The following CCDC171 variants were observed in gnomAD, a reference collection of about 807,000 sequenced individuals.
CCDC171 encodes the protein coiled-coil domain containing 171.
In CCDC171, 177 loss-of-function variants were observed where a neutral mutation model predicts 168.2. The ratio of observed to expected loss-of-function variants is 1.05; its 90% CI spans 0.93 to 1.19. The LOEUF (loss-of-function observed/expected upper bound fraction) is 1.19, where lower values mean the gene tolerates loss of function less well. CCDC171 is among the 50% of genes most tolerant of loss of function. The pLI is 0.00. For missense variants in CCDC171, 1,991 were observed against 1,539.0 expected (o/e 1.29, Z -4.91); for synonymous variants, 687 against 540.8 (o/e 1.27, Z -3.75).
Position 15,692,087 on chromosome 9 carries a change from A to G in CCDC171, c.1216-3148A>G, listed in dbSNP as rs1587988671. Among the ~76,000 whole-genome samples the G allele has an allele frequency of 2.6e-5, 4 of 152,144 alleles. No homozygotes were observed. The East Asian group carries it at 7.7e-4, about 29-fold the overall frequency. ...CATGTATATCTGCTATGGAAAAGTGATTTTTTGGTCAGGTGTGGTGGCTCA... is the reference window on the plus strand; with the variant it reads ...CATGTATATCTGCTATGGAAAAGTGGTTTTTTGGTCAGGTGTGGTGGCTCA... On this transcript the variant is annotated intron_variant, in intron 10 of 25. Coordinates refer to ENST00000380701, the MANE Select transcript of CCDC171 (RefSeq NM_173550.4).
intron 14 of CCDC171, 141 bp from the exon 15 acceptor site, chr9:15,727,728 A>T: frequency 1.8e-6 from 1 of 561,704 alleles, no homozygotes; most frequent in East Asian, 3.3e-5. Flanking sequence ...TTATAAAAAA[A>T]GTCATTAAAA....
upstream of CCDC171, among the ~76,000 whole-genome samples, chr9:16,038,859 A>G (rs1222392653): frequency 7.4e-6 from 1 of 135,520 alleles, no homozygotes; most frequent in Non-Finnish European, 1.6e-5. Context: ...AAAAAGACCT[A>G]TCAGGCCAAA....
At chr9:15,805,141 T>A (rs181187444) in intron 21 of CCDC171, among the ~76,000 whole-genome samples, 1 of 152,206 alleles carries the variant, frequency 6.6e-6, no homozygotes, top group Non-Finnish European at 1.5e-5. Context: ...ATCTTCTCTC[T>A]TCTTTATTAG....
chr9:15,836,123 A>T (rs893007381), intron 21 of CCDC171, among the ~76,000 whole-genome samples: 1 of 152,206 alleles, frequency 6.6e-6, no homozygotes, highest in East Asian at 1.9e-4. Flanking sequence ...TGATGACTTC[A>T]TAGTTATATA....
intron 25 of CCDC171, among the ~76,000 whole-genome samples, chr9:15,956,063 A>T (rs1028221187): frequency 2.0e-5 from 3 of 152,192 alleles, no homozygotes; most frequent in Non-Finnish European, 4.4e-5. Flanking sequence ...TTCATTCAAG[A>T]TCTCTCCCTT....
At chr9:15,950,460 G>A (rs1209345291) in intron 25 of CCDC171, among the ~76,000 whole-genome samples, 2 of 152,062 alleles carry the variant, frequency 1.3e-5, no homozygotes, top group African/African-American at 2.4e-5. Flanking sequence ...GAGAGTGGGT[G>A]CCAATATTCA....
At chr9:16,068,901 T>TG in the CCDC171 span, among the ~76,000 whole-genome samples, 1 of 152,194 alleles carries the variant, frequency 6.6e-6, no homozygotes, top group Admixed American at 6.5e-5. Flanking sequence ...GCCTGCCTCC[T>TG]GGCTCAGCAT....
chr9:15,959,959 C>G (rs1382994951), intron 25 of CCDC171, among the ~76,000 whole-genome samples: 2 of 152,120 alleles, frequency 1.3e-5, no homozygotes, highest in African/African-American at 2.4e-5. Context: ...AGAGCTATCA[C>G]CCATATGACC....
chr9:15,962,768 A>C (rs958941719), intron 25 of CCDC171, among the ~76,000 whole-genome samples: 1 of 151,892 alleles, frequency 6.6e-6, no homozygotes, highest in African/African-American at 2.4e-5. Context: ...CCCAAACTCT[A>C]ATTCAGTTCT....
intron 25 of CCDC171, among the ~76,000 whole-genome samples, chr9:15,921,123 TA>T (rs1825268357): frequency 6.6e-6 from 1 of 151,822 alleles, no homozygotes; most frequent in Non-Finnish European, 1.5e-5. Context: ...AATGTCTTTT[TA>T]ATTTTTTTTG....
At chr9:15,780,345 A>G (rs2057600518) in intron 20 of CCDC171, among the ~76,000 whole-genome samples, 1 of 152,044 alleles carries the variant, frequency 6.6e-6, no homozygotes. Flanking sequence ...TAATTATGAA[A>G]GTTATACATG....
At chr9:15,820,437 C>T (rs2059723121) in intron 21 of CCDC171, among the ~76,000 whole-genome samples, 1 of 114,782 alleles carries the variant, frequency 8.7e-6, no homozygotes, top group Non-Finnish European at 1.9e-5. Context: ...AATTGATAGA[C>T]CACTAGCAAG....
chr9:15,940,441 A>G (rs1827584277), intron 25 of CCDC171, among the ~76,000 whole-genome samples: 1 of 151,908 alleles, frequency 6.6e-6, no homozygotes, highest in Non-Finnish European at 1.5e-5. Flanking sequence ...CCACATAAGG[A>G]AGGATATACA....
chr9:15,864,691 A>G (rs368571829), intron 23 of CCDC171, among the ~76,000 whole-genome samples: 10 of 152,126 alleles, frequency 6.6e-5, no homozygotes, highest in Non-Finnish European at 1.3e-4. Flanking sequence ...TAATGCCTAG[A>G]TGAGTAGGAT....
At chr9:16,004,178 C>T (rs538043766) in intron 3 of CCDC171, among the ~76,000 whole-genome samples, 1 of 151,678 alleles carries the variant, frequency 6.6e-6, no homozygotes, top group South Asian at 2.1e-4. Context: ...GTCCAGTTTG[C>T]CTTTCAACAC....
chr9:15,841,113 G>A (rs2060661993), intron 21 of CCDC171, among the ~76,000 whole-genome samples: 1 of 151,976 alleles, frequency 6.6e-6, no homozygotes, highest in Admixed American at 6.6e-5. Flanking sequence ...TTTTTAAGGT[G>A]AATTTCCATT....
At chr9:15,737,050 T>C (rs905888443) in intron 16 of CCDC171, among the ~76,000 whole-genome samples, 7 of 152,112 alleles carry the variant, frequency 4.6e-5, no homozygotes. Context: ...CCACAAATGG[T>C]AGTTCTCTTA....
chr9:15,639,725 C>A (rs1268594941), intron 7 of CCDC171, among the ~76,000 whole-genome samples: 1 of 152,128 alleles, frequency 6.6e-6, no homozygotes, highest in African/African-American at 2.4e-5. Flanking sequence ...CATAGTTAAT[C>A]ATGATCAAGA....
chr9:15,724,710 A>G lies in CCDC171; in HGVS notation c.1492-66A>G, dbSNP rs530632202. The stretch of plus-strand genomic sequence containing the variant: ...TGAAAATGTTCAATATGTGTTTTAT[A>G]CTAGTGTCCCCTCACCCCTTGTTGG... On this transcript the variant is annotated intron_variant, in intron 13 of 25. Transcript: ENST00000380701. 9.2e-6 allele frequency: 9 copies of G among 982,442 alleles called. No homozygotes were observed. In the African/African-American group the frequency reaches 9.7e-5, roughly 11 times the overall value. 60.9% of individuals were successfully genotyped at this position (982,442 alleles called of 1,614,324 possible). A position where few individuals can be genotyped will look rare whatever the true frequency, so the allele number is the denominator to read the frequency against.
Sources: gnomAD v4.1 joint callset for allele counts (sites outside exome capture counted in the v4.1 genomes callset) on GRCh38, gnomAD v4.1.1 for gene constraint, MANE v1.5 for transcripts, NCBI Gene and HGNC (gene_info 2026-07-23, HGNC 2026-07-21) for gene names.